The following LDLRAD3 variants were observed in gnomAD, a reference collection of about 807,000 sequenced individuals.
The protein encoded by LDLRAD3 is low-density lipoprotein receptor class A domain-containing protein 3.
Under a neutral mutation model 29.4 loss-of-function variants are expected in LDLRAD3, and 20 were observed. The ratio of observed to expected loss-of-function variants is 0.68; its 90% CI spans 0.48 to 0.99. The LOEUF is 0.99. Ranked by LOEUF, LDLRAD3 falls within the 50% of genes least tolerant of loss-of-function variation. The pLI, the probability that LDLRAD3 is intolerant of heterozygous loss-of-function variation, is 0.00. For missense variants in LDLRAD3, 420 were observed against 454.3 expected, an observed-to-expected ratio of 0.92 and a Z score of 0.69; for synonymous variants, 157 against 192.7, an observed-to-expected ratio of 0.81 and a Z score of 1.53.
intron 4 of LDLRAD3, among the ~76,000 whole-genome samples, chr11:36,188,169 G>T (rs1854882611): frequency 6.6e-6 from 1 of 151,968 alleles, no homozygotes; most frequent in African/African-American, 2.4e-5. Flanking sequence ...AGGGCACGCA[G>T]AATTCCATTA....
intron 1 of LDLRAD3, among the ~76,000 whole-genome samples, chr11:36,028,984 C>T (rs1852201386): frequency 6.6e-6 from 1 of 152,190 alleles, no homozygotes. Flanking sequence ...GTGGCTCACG[C>T]CTGTAATCCA....
At chr11:36,004,517 C>T (rs377330790) in intron 1 of LDLRAD3, among the ~76,000 whole-genome samples, 2 of 152,336 alleles carry the variant, frequency 1.3e-5, no homozygotes. Context: ...GCAGCTTTCA[C>T]AGGCTGGCAT....
At chr11:36,023,305 A>G (rs1032287859) in intron 1 of LDLRAD3, among the ~76,000 whole-genome samples, 2 of 152,112 alleles carry the variant, frequency 1.3e-5, no homozygotes, top group African/African-American at 4.8e-5. Context: ...AGGGAACGGG[A>G]GGTAGGTGTG....
chr11:36,210,207 G>A (rs1855264788), intron 4 of LDLRAD3, among the ~76,000 whole-genome samples: 1 of 152,200 alleles, frequency 6.6e-6, no homozygotes, highest in Non-Finnish European at 1.5e-5. Flanking sequence ...AGGAAATGTA[G>A]GATGAATGAG....
intron 1 of LDLRAD3, among the ~76,000 whole-genome samples, chr11:35,954,753 C>G (rs1410688240): frequency 6.6e-6 from 1 of 152,082 alleles, no homozygotes; most frequent in African/African-American, 2.4e-5. Flanking sequence ...GAAAAAGAGG[C>G]CTTTGAGAGG....
intron 3 of LDLRAD3, among the ~76,000 whole-genome samples, chr11:36,082,486 C>A (rs1364653142): frequency 1.3e-5 from 2 of 152,160 alleles, no homozygotes; most frequent in East Asian, 1.9e-4. Context: ...CCAGCCTGGG[C>A]AACAGAGTGA....
intron 2 of LDLRAD3, among the ~76,000 whole-genome samples, chr11:36,053,718 T>G (rs752399589): frequency 6.6e-6 from 1 of 152,200 alleles, no homozygotes; most frequent in Non-Finnish European, 1.5e-5. Flanking sequence ...TTAAGGATAA[T>G]TTTTAGATGA....
intron 3 of LDLRAD3, among the ~76,000 whole-genome samples, chr11:36,089,193 T>TTCTC (rs558025926): frequency 2.1e-3 from 322 of 152,320 alleles, no homozygotes; most frequent in African/African-American, 6.7e-3. Context: ...TGGCTGACAG[T>TTCTC]TACTGAGCAC....
intron 4 of LDLRAD3, among the ~76,000 whole-genome samples, chr11:36,201,100 A>G (rs563974882): frequency 6.6e-6 from 1 of 152,334 alleles, no homozygotes; most frequent in East Asian, 1.9e-4. Context: ...AATGGGGACC[A>G]GTAGAGTTAT....
chr11:36,174,770 A>C (rs1854647528), intron 4 of LDLRAD3, among the ~76,000 whole-genome samples: 1 of 152,188 alleles, frequency 6.6e-6, no homozygotes, highest in African/African-American at 2.4e-5. Flanking sequence ...TCACGAGGTC[A>C]GGAGATCGAG....
intron 2 of LDLRAD3, among the ~76,000 whole-genome samples, chr11:36,076,162 A>G (rs61878973): frequency 0.012 from 1,864 of 152,268 alleles, 14 homozygotes; most frequent in Admixed American, 0.022. Flanking sequence ...AAATGTATGT[A>G]TGTGCATTAT....
chr11:36,142,598 T>G (rs540128047), intron 4 of LDLRAD3, among the ~76,000 whole-genome samples: 198 of 152,256 alleles, frequency 1.3e-3, no homozygotes, highest in African/African-American at 4.7e-3. Flanking sequence ...CCCCGCCTCC[T>G]GCACTTAGTC....
At chr11:35,995,457 A>G (rs757161183) in intron 1 of LDLRAD3, among the ~76,000 whole-genome samples, 1 of 152,238 alleles carries the variant, frequency 6.6e-6, no homozygotes, top group Admixed American at 6.5e-5. Flanking sequence ...TTCCATTTAC[A>G]GAGTGCAGGC....
intron 2 of LDLRAD3, among the ~76,000 whole-genome samples, chr11:36,062,736 C>T (rs1171462109): frequency 6.6e-6 from 1 of 152,188 alleles, no homozygotes; most frequent in Non-Finnish European, 1.5e-5. Context: ...GCACTTCTCG[C>T]TGCCGCCATG....
At chr11:36,211,552 C>G (rs1221453928) in intron 4 of LDLRAD3, among the ~76,000 whole-genome samples, 1 of 152,056 alleles carries the variant, frequency 6.6e-6, no homozygotes, top group Non-Finnish European at 1.5e-5. Flanking sequence ...GTAACTTGTC[C>G]CATATTATGG....
intron 1 of LDLRAD3, among the ~76,000 whole-genome samples, chr11:36,000,751 G>T (rs886129895): frequency 1.3e-5 from 2 of 152,094 alleles, no homozygotes; most frequent in African/African-American, 4.8e-5. Flanking sequence ...GCTGGGGCGC[G>T]TGACATGGAG....
At chr11:36,113,249 G>T (rs192449715) in intron 4 of LDLRAD3, among the ~76,000 whole-genome samples, 4 of 152,264 alleles carry the variant, frequency 2.6e-5, no homozygotes, top group Admixed American at 1.3e-4. Context: ...TGGCTAAAAT[G>T]AGATGCAGGT....
At chr11:36,100,318 A>T (rs1853427300) in intron 4 of LDLRAD3, among the ~76,000 whole-genome samples, 1 of 152,220 alleles carries the variant, frequency 6.6e-6, no homozygotes, top group African/African-American at 2.4e-5. Flanking sequence ...AATTTTTATA[A>T]AACCAAACAT....
Position 36,026,183 on chromosome 11 carries a change from T to C in LDLRAD3, c.47-9920T>C, listed in dbSNP as rs551254160. ...GTAGGTGATATTCTGCAGTTCGCTC[T>C]TTTCACTTAGCAGTAAGTTTCTCAG... is the stretch of plus-strand genomic sequence containing the variant. On this transcript the variant is annotated intron_variant, in intron 1 of 5. Coordinates refer to ENST00000315571, the MANE Select transcript of LDLRAD3 (RefSeq NM_174902.4). Among the ~76,000 whole-genome samples, 4 of 152,352 alleles carry C rather than the reference T, an allele frequency of 2.6e-5. No individual in the cohort carries two copies. In the East Asian group the frequency reaches 7.7e-4, roughly 29 times the overall value.
Sources: gnomAD v4.1 joint callset for allele counts (sites outside exome capture counted in the v4.1 genomes callset) on GRCh38, gnomAD v4.1.1 for gene constraint, MANE v1.5 for transcripts, NCBI Gene and HGNC (gene_info 2026-07-23, HGNC 2026-07-21) for gene names.